Variants in LYPLAL1 observed in about 807,000 individuals in gnomAD.
LYPLAL1 encodes lysophospholipase like 1.
A neutral mutation model predicts 19.7 loss-of-function variants in LYPLAL1; 23 were observed. The observed-to-expected ratio is 1.17, with a 90% CI of 0.84 to 1.65. The LOEUF (loss-of-function observed/expected upper bound fraction) is 1.65, where lower values mean the gene tolerates loss of function less well. LYPLAL1 is among the 40% of genes most tolerant of loss of function. The pLI is 0.00. For synonymous variants in LYPLAL1, 119 were observed against 96.3 expected, an observed-to-expected ratio of 1.24 and a Z score of -1.38; for missense variants, 355 against 279.4, an observed-to-expected ratio of 1.27 and a Z score of -1.93.
the LYPLAL1 span, among the ~76,000 whole-genome samples, chr1:219,249,931 T>C: frequency 6.6e-6 from 1 of 152,050 alleles, no homozygotes; most frequent in African/African-American, 2.4e-5. Context: ...TCTGAGTTTA[T>C]TGTTGCACAG....
chr1:219,210,716 C>T lies in LYPLAL1; in HGVS notation c.477+69C>T, dbSNP rs1190457366. On this transcript the variant is annotated intron_variant, in intron 4 of 4. Coordinates refer to ENST00000366928, the MANE Select transcript of LYPLAL1 (RefSeq NM_138794.5). ...ATACATGTTAAAACTAAAGCAAAAT[C>T]GGTAATAAAGCTGTAAAACACACAC... 4.4e-5 allele frequency: 62 copies of T among 1,423,356 alleles called. No homozygotes were observed. The South Asian group carries it at 5.8e-4, about 13-fold the overall frequency. 88.2% of individuals were successfully genotyped at this position (1,423,356 alleles called of 1,614,324 possible).
the LYPLAL1 span, among the ~76,000 whole-genome samples, chr1:219,286,260 G>GCA: frequency 6.6e-6 from 1 of 152,144 alleles, no homozygotes; most frequent in Non-Finnish European, 1.5e-5. Flanking sequence ...ATCATTTGGG[G>GCA]ACTAGAAGCA....
At chr1:219,429,494 C>G in the LYPLAL1 span, among the ~76,000 whole-genome samples, 2 of 151,948 alleles carry the variant, frequency 1.3e-5, no homozygotes, top group Non-Finnish European at 2.9e-5. Context: ...CCTGTCTCTA[C>G]AAAAAATTTA....
the LYPLAL1 span, among the ~76,000 whole-genome samples, chr1:219,224,984 T>C: frequency 6.6e-6 from 1 of 152,170 alleles, no homozygotes; most frequent in African/African-American, 2.4e-5. Context: ...TTTTCTTGTC[T>C]CTCTCAGCTA....
At chr1:219,392,689 T>G in the LYPLAL1 span, among the ~76,000 whole-genome samples, 1 of 152,202 alleles carries the variant, frequency 6.6e-6, no homozygotes, top group African/African-American at 2.4e-5. Context: ...TCTTCTATCC[T>G]CATCCATGTA....
At chr1:219,206,275 T>C (rs1658560213) in intron 3 of LYPLAL1, among the ~76,000 whole-genome samples, 1 of 152,156 alleles carries the variant, frequency 6.6e-6, no homozygotes, top group Non-Finnish European at 1.5e-5. Flanking sequence ...ATGTTAACTC[T>C]TGACATTTTA....
At chr1:219,351,997 G>T in the LYPLAL1 span, among the ~76,000 whole-genome samples, 3 of 152,204 alleles carry the variant, frequency 2.0e-5, no homozygotes, top group Non-Finnish European at 4.4e-5. Context: ...CAGCATGTTA[G>T]ATTTTTGTAA....
intron 3 of LYPLAL1, among the ~76,000 whole-genome samples, chr1:219,206,038 T>A (rs1299595954): frequency 6.6e-6 from 1 of 152,168 alleles, no homozygotes; most frequent in Non-Finnish European, 1.5e-5. Flanking sequence ...TGTTGAAATT[T>A]AGAATGGTAA....
the LYPLAL1 span, among the ~76,000 whole-genome samples, chr1:219,371,524 G>T: frequency 6.6e-6 from 1 of 152,154 alleles, no homozygotes; most frequent in African/African-American, 2.4e-5. Flanking sequence ...GTTAAGCTAA[G>T]TTCACCTAAG....
rs1430465582 is a variant in LYPLAL1 at position 219,207,565 on chromosome 1, TGTTCATTTGTTTAATAA to T, written c.362-2964_362-2948del. On this transcript the variant is annotated intron_variant, in intron 3 of 4. Transcript: ENST00000366928. ...TATTGTTACTGAGTTACAGTTACAT[TGTTCATTTGTTTAATAA>T]GTATAAGCACTTTCTGTGTGCCAGG... 1.4e-4 allele frequency among the ~76,000 whole-genome samples: 21 copies of T among 152,200 alleles called. No individual in the cohort carries two copies. In the South Asian group the frequency reaches 2.7e-3, roughly 20 times the overall value.
At chr1:219,235,695 A>G in the LYPLAL1 span, among the ~76,000 whole-genome samples, 1 of 152,296 alleles carries the variant, frequency 6.6e-6, no homozygotes. Context: ...GAGCCCCTAA[A>G]TTCAAGTATA....
the LYPLAL1 span, among the ~76,000 whole-genome samples, chr1:219,294,378 T>A: frequency 6.6e-6 from 1 of 152,158 alleles, no homozygotes; most frequent in African/African-American, 2.4e-5. Flanking sequence ...TCTCCACAGA[T>A]GCCTGATGCA....
At chr1:219,370,214 T>C in the LYPLAL1 span, among the ~76,000 whole-genome samples, 1 of 152,148 alleles carries the variant, frequency 6.6e-6, no homozygotes, top group Non-Finnish European at 1.5e-5. Context: ...AAACTGATTC[T>C]CCGATCTGAG....
chr1:219,184,527 G>A (rs973551708), intron 2 of LYPLAL1, among the ~76,000 whole-genome samples: 3 of 151,808 alleles, frequency 2.0e-5, no homozygotes, highest in African/African-American at 7.3e-5. Flanking sequence ...TCCTTCCTGT[G>A]TAATCTTAGA....
chr1:219,331,917 G>C, the LYPLAL1 span, among the ~76,000 whole-genome samples: 1 of 152,132 alleles, frequency 6.6e-6, no homozygotes, highest in African/African-American at 2.4e-5. Flanking sequence ...GCATTACTAA[G>C]GGATTTCACA....
the LYPLAL1 span, among the ~76,000 whole-genome samples, chr1:219,371,928 T>C: frequency 1.3e-5 from 2 of 152,336 alleles, no homozygotes; most frequent in African/African-American, 4.8e-5. Context: ...TTCAATGTAC[T>C]CCACTTTCCC....
At chr1:219,379,264 A>G in the LYPLAL1 span, among the ~76,000 whole-genome samples, 2 of 152,198 alleles carry the variant, frequency 1.3e-5, no homozygotes, top group Non-Finnish European at 2.9e-5. Context: ...GGCAAAATGT[A>G]GGATACAAAG....
the LYPLAL1 span, among the ~76,000 whole-genome samples, chr1:219,305,265 G>A: frequency 6.6e-6 from 1 of 152,116 alleles, no homozygotes; most frequent in African/African-American, 2.4e-5. Flanking sequence ...CATGTAACAT[G>A]GGTAGTTAAC....
At chr1:219,219,381 A>G in the LYPLAL1 span, among the ~76,000 whole-genome samples, 5 of 152,168 alleles carry the variant, frequency 3.3e-5, no homozygotes, top group African/African-American at 9.7e-5. Flanking sequence ...TTAAATGCCA[A>G]AGTTTCTTAC....
Sources: allele counts gnomAD v4.1 joint callset (sites outside exome capture counted in the v4.1 genomes callset), GRCh38; gene constraint gnomAD v4.1.1; transcripts MANE v1.5; gene names NCBI Gene and HGNC (gene_info 2026-07-23, HGNC 2026-07-21).